CTNNA3: variants seen among roughly 807,000 people sequenced by gnomAD.
CTNNA3 encodes the protein catenin alpha 3, also known as catenin alpha-3.
CTNNA3 carries 76 observed loss-of-function variants against 95.7 expected under a neutral mutation model. The ratio of observed to expected loss-of-function variants is 0.79; its 90% CI spans 0.66 to 0.96. CTNNA3 has a LOEUF of 0.96. Ranked by LOEUF, CTNNA3 falls within the 40% of genes least tolerant of loss-of-function variation. The pLI, the probability that CTNNA3 is intolerant of heterozygous loss-of-function variation, is 0.00. For synonymous variants in CTNNA3, 431 were observed against 374.4 expected (o/e 1.15, Z -1.74); for missense variants, 1,191 against 1,089.8 (o/e 1.09, Z -1.31).
At chr10:66,312,365 A>AT (rs1166313666) in intron 12 of CTNNA3, among the ~76,000 whole-genome samples, 2 of 152,076 alleles carry the variant, frequency 1.3e-5, no homozygotes, top group African/African-American at 4.8e-5. Flanking sequence ...TTTCTTAGAA[A>AT]TTTTTGAGCA....
intron 9 of CTNNA3, among the ~76,000 whole-genome samples, chr10:66,723,205 C>A (rs953851577): frequency 4.6e-5 from 7 of 152,154 alleles, no homozygotes; most frequent in African/African-American, 1.7e-4. Flanking sequence ...CTGGTAATGT[C>A]TCTCTCTTTA....
At chr10:67,639,278 C>CACAT (rs1329705945) in intron 2 of CTNNA3, among the ~76,000 whole-genome samples, 1 of 152,156 alleles carries the variant, frequency 6.6e-6, no homozygotes, top group Non-Finnish European at 1.5e-5. Context: ...AATTCCTCGA[C>CACAT]ACATACACCC....
intron 6 of CTNNA3, among the ~76,000 whole-genome samples, chr10:67,193,291 C>T (rs1589846229): frequency 6.6e-6 from 1 of 151,894 alleles, no homozygotes; most frequent in Admixed American, 6.6e-5. Context: ...TTAATATATA[C>T]CTTCTTTGTC....
At chr10:66,699,837 A>G (rs1004516711) in intron 9 of CTNNA3, among the ~76,000 whole-genome samples, 17 of 151,788 alleles carry the variant, frequency 1.1e-4, no homozygotes, top group African/African-American at 3.9e-4. Flanking sequence ...TTGTATTTTT[A>G]GTAGAGATGG....
intron 13 of CTNNA3, among the ~76,000 whole-genome samples, chr10:66,247,559 C>G (rs2132058835): frequency 6.6e-6 from 1 of 152,078 alleles, no homozygotes; most frequent in East Asian, 1.9e-4. Context: ...ATCAAACTCC[C>G]AAAGGTTGAA....
chr10:67,237,883 T>C (rs1379053508), intron 5 of CTNNA3, among the ~76,000 whole-genome samples: 1 of 152,156 alleles, frequency 6.6e-6, no homozygotes. Context: ...GACCAGGCAA[T>C]AACCCAGGTC....
At chr10:67,451,335 A>G (rs12773588) in intron 5 of CTNNA3, among the ~76,000 whole-genome samples, 1 of 152,176 alleles carries the variant, frequency 6.6e-6, no homozygotes, top group Non-Finnish European at 1.5e-5. Context: ...AGACTAGGAA[A>G]CTATAAAAAT....
intron 12 of CTNNA3, among the ~76,000 whole-genome samples, chr10:66,298,678 T>C (rs1308425652): frequency 6.6e-6 from 1 of 152,142 alleles, no homozygotes; most frequent in African/African-American, 2.4e-5. Flanking sequence ...TCATGTCTTC[T>C]CCTTCCCCAT....
At chr10:67,360,564 G>A (rs765200386) in intron 5 of CTNNA3, among the ~76,000 whole-genome samples, 13 of 152,024 alleles carry the variant, frequency 8.6e-5, no homozygotes, top group Non-Finnish European at 1.5e-4. Flanking sequence ...CCTGAGACTG[G>A]GTAATTTATA....
At chr10:66,926,200 A>T (rs1486379204) in intron 7 of CTNNA3, 1 of 452,098 alleles carries the variant, frequency 2.2e-6, no homozygotes, top group African/African-American at 2.0e-5. Flanking sequence ...CAGCTCAGGT[A>T]GCCCCAAATT....
intron 11 of CTNNA3, among the ~76,000 whole-genome samples, chr10:66,466,444 C>G (rs1838920858): frequency 6.6e-6 from 1 of 151,846 alleles, no homozygotes; most frequent in African/African-American, 2.4e-5. Flanking sequence ...CCTCTCATCA[C>G]AGTAAGTCAT....
At chr10:66,734,206 C>T (rs185427967) in intron 9 of CTNNA3, among the ~76,000 whole-genome samples, 49 of 151,912 alleles carry the variant, frequency 3.2e-4, no homozygotes, top group East Asian at 1.7e-3. Flanking sequence ...AATTTTATTA[C>T]TCATTCCAAA....
intron 13 of CTNNA3, among the ~76,000 whole-genome samples, chr10:66,215,309 A>G (rs1273843406): frequency 6.6e-6 from 1 of 152,186 alleles, no homozygotes; most frequent in Non-Finnish European, 1.5e-5. Context: ...TCAGTGTTTG[A>G]GCCAACCCAA....
chr10:67,555,578 T>C (rs557370779), intron 3 of CTNNA3, among the ~76,000 whole-genome samples: 1 of 152,348 alleles, frequency 6.6e-6, no homozygotes, highest in South Asian at 2.1e-4. Context: ...TATATAGGAA[T>C]GCTTGTGATT....
intron 10 of CTNNA3, among the ~76,000 whole-genome samples, chr10:66,594,742 T>C (rs187139819): frequency 6.6e-6 from 1 of 152,288 alleles, no homozygotes; most frequent in Admixed American, 6.5e-5. Context: ...TAGCATGTAG[T>C]ATGGTAGGCA....
At chr10:67,747,597 C>G (rs1224093580) in intron 1 of CTNNA3, among the ~76,000 whole-genome samples, 1 of 152,186 alleles carries the variant, frequency 6.6e-6, no homozygotes, top group African/African-American at 2.4e-5. Context: ...CACAAAAACC[C>G]ATCCAAAGGT....
chr10:67,119,980 G>A (rs1859378163), intron 7 of CTNNA3, among the ~76,000 whole-genome samples: 1 of 151,798 alleles, frequency 6.6e-6, no homozygotes, highest in Non-Finnish European at 1.5e-5. Context: ...TTCTAAAAAT[G>A]AGAACATTTC....
intron 4 of CTNNA3, among the ~76,000 whole-genome samples, chr10:67,529,911 G>A (rs1374302162): frequency 2.0e-5 from 3 of 152,052 alleles, no homozygotes; most frequent in Non-Finnish European, 4.4e-5. Flanking sequence ...AATTATGGGG[G>A]CAGGTCTTTC....
At chr10:67,609,054 C>A (rs1292932718) in intron 2 of CTNNA3, among the ~76,000 whole-genome samples, 5 of 142,346 alleles carry the variant, frequency 3.5e-5, no homozygotes, top group African/African-American at 1.4e-4. Context: ...CACGCCATTG[C>A]ACTCCAGCCT....
Sources: gnomAD v4.1 joint callset for allele counts (sites outside exome capture counted in the v4.1 genomes callset) on GRCh38, gnomAD v4.1.1 for gene constraint, MANE v1.5 for transcripts, NCBI Gene and HGNC (gene_info 2026-07-23, HGNC 2026-07-21) for gene names.